The following WDR7 variants were observed in gnomAD, a reference collection of about 807,000 sequenced individuals.
WDR7 encodes the protein WD repeat-containing protein 7.
WDR7 carries 46 observed loss-of-function variants against 169.4 expected under a neutral mutation model. The observed-to-expected ratio is 0.27, with a 90% CI of 0.21 to 0.35. WDR7 has a LOEUF of 0.35. Ranked by LOEUF, WDR7 falls within the 10% of genes least tolerant of loss-of-function variation. WDR7 has a pLI of 1.00. For missense variants in WDR7, 1,534 were observed against 1,859.3 expected (o/e 0.83, Z 3.22); for synonymous variants, 612 against 666.8 (o/e 0.92, Z 1.27).
chr18:56,978,611 T>C (rs1568297105), intron 26 of WDR7, among the ~76,000 whole-genome samples: 2 of 152,212 alleles, frequency 1.3e-5, no homozygotes, highest in African/African-American at 2.4e-5. Flanking sequence ...TATCTGATGA[T>C]GTATGTGTGT....
chr18:57,012,946 G>A (rs1264920112), intron 26 of WDR7, among the ~76,000 whole-genome samples: 1 of 152,176 alleles, frequency 6.6e-6, no homozygotes, highest in Non-Finnish European at 1.5e-5. Flanking sequence ...TTATGTAAAA[G>A]TGTCTGGAAC....
At chr18:56,651,993 C>G (rs1167260874) in intron 1 of WDR7, among the ~76,000 whole-genome samples, 1 of 152,088 alleles carries the variant, frequency 6.6e-6, no homozygotes, top group Non-Finnish European at 1.5e-5. Context: ...TTGCCCATGC[C>G]CAAGGTACTG....
chr18:56,756,706 G>C lies in WDR7; in HGVS notation c.2113G>C (p.Glu705Gln). 6.2e-7 allele frequency: 1 copy of C among 1,614,126 alleles called. No individual in the cohort carries two copies. The highest frequency in any genetic ancestry group is 8.5e-7 in the Non-Finnish European group (1 of 1,180,012). Residue 705 changes from glutamate to glutamine, a missense_variant, in exon 15 of 28, where the codon GAA (glutamate) becomes CAA (glutamine). By Grantham distance (29) the Glu-to-Gln change is conservative. Transcript: ENST00000254442. ...AGCGTTGATTATTCAACTCCTGACT[G>C]AAGAAGCCTCTAGGCCGAATACTGC... is the stretch of plus-strand genomic sequence containing the variant. ...VEALIIQLLT[E>Q]EASRPNTALI...
intron 13 of WDR7, among the ~76,000 whole-genome samples, chr18:56,725,370 T>C (rs1372683984): frequency 4.0e-5 from 6 of 151,572 alleles, no homozygotes; most frequent in Admixed American, 6.5e-5. Context: ...TGGTATCTCA[T>C]TGTGGTTTTG....
chr18:56,862,120 G>GA (rs1568236009), intron 20 of WDR7, among the ~76,000 whole-genome samples: 1 of 151,838 alleles, frequency 6.6e-6, no homozygotes. Flanking sequence ...AATTAACGAA[G>GA]AAAAATTCAG....
chr18:56,962,405 TTTG>T (rs763819507), intron 25 of WDR7, 22 bp from the exon 26 acceptor site: 3 of 1,609,898 alleles, frequency 1.9e-6, no homozygotes, highest in East Asian at 2.2e-5. Context: ...TGTTTTTGTT[TTTG>T]TTGTTAAAAT....
intron 19 of WDR7, among the ~76,000 whole-genome samples, chr18:56,785,846 T>G (rs2044391185): frequency 6.9e-6 from 1 of 144,880 alleles, no homozygotes; most frequent in Admixed American, 6.8e-5. Flanking sequence ...TTTTTTTTTT[T>G]AAAGAGACAG....
downstream of WDR7, chr18:57,034,482 CA>C (rs1382574637): frequency 6.6e-6 from 1 of 152,088 alleles, no homozygotes; most frequent in African/African-American, 2.4e-5. Flanking sequence ...AAAACAGATT[CA>C]AAAATGGAGT....
At chr18:56,998,356 T>C (rs1277969845) in intron 26 of WDR7, among the ~76,000 whole-genome samples, 4 of 152,160 alleles carry the variant, frequency 2.6e-5, no homozygotes, top group African/African-American at 9.7e-5. Flanking sequence ...GACTCTGCAA[T>C]TGTAGGCATA....
intron 21 of WDR7, among the ~76,000 whole-genome samples, chr18:56,881,523 C>G (rs1240066829): frequency 6.6e-6 from 1 of 152,100 alleles, no homozygotes; most frequent in Non-Finnish European, 1.5e-5. Context: ...ATGCTTTTGA[C>G]CATTATGCAA....
chr18:57,033,544 G>A (rs2048452958), downstream of WDR7: 1 of 152,164 alleles, frequency 6.6e-6, no homozygotes, highest in Non-Finnish European at 1.5e-5. Context: ...TCCGGCTTTA[G>A]TGTTTTCCAT....
chr18:56,924,411 G>GAT (rs1170749010), intron 22 of WDR7, among the ~76,000 whole-genome samples: 1 of 152,042 alleles, frequency 6.6e-6, no homozygotes. Context: ...TAAGGAAAAT[G>GAT]ATATATATAT....
chr18:56,716,572 A>G (rs1161927295), intron 12 of WDR7, among the ~76,000 whole-genome samples: 1 of 152,222 alleles, frequency 6.6e-6, no homozygotes, highest in Non-Finnish European at 1.5e-5. Flanking sequence ...AAGCTAAATC[A>G]TGGTGAAGAG....
At chr18:56,668,518 A>G (rs904765228) in intron 1 of WDR7, among the ~76,000 whole-genome samples, 7 of 152,312 alleles carry the variant, frequency 4.6e-5, no homozygotes, top group African/African-American at 1.7e-4. Context: ...TGGATAGCTG[A>G]ATTGTGTCTA....
At chr18:56,901,958 ATAC>A (rs565534426) in intron 21 of WDR7, among the ~76,000 whole-genome samples, 294 of 152,264 alleles carry the variant, frequency 1.9e-3, no homozygotes, top group African/African-American at 6.5e-3. Flanking sequence ...TGAAGGGCGA[ATAC>A]TACTATTGGC....
intron 25 of WDR7, among the ~76,000 whole-genome samples, chr18:56,951,249 GA>G (rs1419354378): frequency 3.9e-5 from 6 of 152,070 alleles, no homozygotes; most frequent in Non-Finnish European, 7.4e-5. Context: ...TAAGAACAGG[GA>G]ACTTCTCTGA....
intron 24 of WDR7, 57 bp from the exon 25 acceptor site, chr18:56,939,254 C>T (rs1599175086): frequency 7.6e-7 from 1 of 1,321,888 alleles, no homozygotes; most frequent in Non-Finnish European, 1.0e-6. Context: ...TAATCATTTA[C>T]ATTTTGGAAA....
intron 25 of WDR7, among the ~76,000 whole-genome samples, chr18:56,948,151 A>G (rs2047132503): frequency 6.6e-6 from 1 of 152,096 alleles, no homozygotes; most frequent in African/African-American, 2.4e-5. Flanking sequence ...ACAGTCGTAC[A>G]TTATATGCAC....
chr18:56,734,187 T>A (rs1297639961), intron 14 of WDR7, among the ~76,000 whole-genome samples: 1 of 152,132 alleles, frequency 6.6e-6, no homozygotes. Flanking sequence ...TGTGTAGATA[T>A]AACTCATTCT....
Sources: allele counts gnomAD v4.1 joint callset (sites outside exome capture counted in the v4.1 genomes callset), GRCh38; gene constraint gnomAD v4.1.1; transcripts MANE v1.5; gene names NCBI Gene and HGNC (gene_info 2026-07-23, HGNC 2026-07-21).